Variants in TAFA2 observed in about 807,000 individuals in gnomAD.
TAFA2 encodes the protein chemokine-like protein TAFA-2.
In TAFA2, 7 loss-of-function variants were observed where a neutral mutation model predicts 18.8. The observed-to-expected ratio is 0.37, with a 90% confidence interval of 0.21 to 0.70. The LOEUF (loss-of-function observed/expected upper bound fraction) is 0.70, where lower values mean the gene tolerates loss of function less well. Ranked by LOEUF, TAFA2 falls within the 30% of genes least tolerant of loss-of-function variation. The pLI is 0.53. For missense variants in TAFA2, 122 were observed against 158.1 expected, an observed-to-expected ratio of 0.77 and a Z score of 1.23; for synonymous variants, 60 against 54.2, an observed-to-expected ratio of 1.11 and a Z score of -0.47.
chr12:62,161,124 C>A (rs1024170684), intron 1 of TAFA2, among the ~76,000 whole-genome samples: 1 of 152,178 alleles, frequency 6.6e-6, no homozygotes, highest in Non-Finnish European at 1.5e-5. Context: ...TTCCTTACAA[C>A]TTTCGCTTTG....
chr12:61,943,869 C>T (rs1431049243), intron 1 of TAFA2, among the ~76,000 whole-genome samples: 1 of 134,528 alleles, frequency 7.4e-6, no homozygotes, highest in Non-Finnish European at 1.6e-5. Flanking sequence ...ACTTTAACAC[C>T]CCACTGTCAA....
intron 1 of TAFA2, among the ~76,000 whole-genome samples, chr12:61,875,917 G>T (rs1184630503): frequency 6.6e-6 from 1 of 151,770 alleles, no homozygotes; most frequent in African/African-American, 2.4e-5. Flanking sequence ...TTTCACAACT[G>T]CTAGGTGGAG....
intron 1 of TAFA2, among the ~76,000 whole-genome samples, chr12:62,030,523 A>C (rs1253194150): frequency 6.6e-6 from 1 of 152,166 alleles, no homozygotes; most frequent in Non-Finnish European, 1.5e-5. Context: ...AATGACAAAC[A>C]AGGAAGACAT....
intron 2 of TAFA2, among the ~76,000 whole-genome samples, chr12:61,809,337 T>C (rs1342553785): frequency 6.6e-6 from 1 of 151,582 alleles, no homozygotes; most frequent in Non-Finnish European, 1.5e-5. Context: ...ACAGTACTTA[T>C]TGTGTAAGTT....
intron 1 of TAFA2, among the ~76,000 whole-genome samples, chr12:62,159,923 A>G (rs2062395303): frequency 6.6e-6 from 1 of 152,216 alleles, no homozygotes; most frequent in Non-Finnish European, 1.5e-5. Flanking sequence ...GGATGTTCTT[A>G]GACTCCCCAT....
intron 1 of TAFA2, among the ~76,000 whole-genome samples, chr12:61,996,650 C>A (rs1880199130): frequency 6.6e-6 from 1 of 152,108 alleles, no homozygotes; most frequent in African/African-American, 2.4e-5. Flanking sequence ...GTAAGCAGAT[C>A]AAAAATGCAC....
At chr12:61,744,098 C>T (rs1036473512) in intron 4 of TAFA2, among the ~76,000 whole-genome samples, 1 of 152,018 alleles carries the variant, frequency 6.6e-6, no homozygotes. Flanking sequence ...AGATATAAAG[C>T]CCTGACAGAA....
At chr12:61,879,871 C>G in intron 1 of TAFA2, 1 of 933,242 alleles carries the variant, frequency 1.1e-6, no homozygotes, top group Non-Finnish European at 1.8e-6. Context: ...ATGATGAGAT[C>G]AATAAGCATA....
intron 1 of TAFA2, among the ~76,000 whole-genome samples, chr12:62,027,590 T>C (rs1038638622): frequency 1.3e-5 from 2 of 152,102 alleles, no homozygotes. Context: ...GCACAGAACA[T>C]CAAAGTTGTC....
intron 1 of TAFA2, among the ~76,000 whole-genome samples, chr12:62,059,127 A>ATGTGTGTGTG (rs1565730985): frequency 6.0e-5 from 5 of 83,218 alleles, no homozygotes; most frequent in African/African-American, 1.9e-4. Context: ...TAATATATAT[A>ATGTGTGTGTG]TATGTGTGTA....
upstream of TAFA2, among the ~76,000 whole-genome samples, chr12:62,197,501 A>T (rs1377505441): frequency 6.6e-6 from 1 of 152,230 alleles, no homozygotes; most frequent in Non-Finnish European, 1.5e-5. Flanking sequence ...TAAAGTGTAC[A>T]ATTTGATGAG....
At chr12:61,914,686 A>G (rs2121350768) in intron 1 of TAFA2, among the ~76,000 whole-genome samples, 1 of 152,292 alleles carries the variant, frequency 6.6e-6, no homozygotes. Context: ...TCCTAAAATT[A>G]TTACATATTA....
At chr12:61,731,332 TC>T in intron 4 of TAFA2, among the ~76,000 whole-genome samples, 1 of 152,222 alleles carries the variant, frequency 6.6e-6, no homozygotes, top group Non-Finnish European at 1.5e-5. Flanking sequence ...TCTGGTACGT[TC>T]CTGTGGTGGT....
At chr12:62,021,787 CA>C (rs1881148904) in intron 1 of TAFA2, 15 of 1,009,788 alleles carry the variant, frequency 1.5e-5, no homozygotes, top group Middle Eastern at 5.7e-4. Context: ...TGGCACATGG[CA>C]GTGACAATGT....
At chr12:61,720,279 A>G (rs1471814405) in intron 4 of TAFA2, among the ~76,000 whole-genome samples, 1 of 152,188 alleles carries the variant, frequency 6.6e-6, no homozygotes, top group Non-Finnish European at 1.5e-5. Flanking sequence ...AGATTAAGTG[A>G]AAGTCTGATG....
rs143752960 is a variant in TAFA2 at position 62,098,804 on chromosome 12, T to A, written c.-2+92455A>T. The stretch of plus-strand genomic sequence containing the variant: ...TAAAGATATTAAAATTGAAATTGAA[T>A]AAAAATATGAATTCATATTTGACCA... On this transcript the variant is annotated intron_variant, in intron 1 of 4. Coordinates refer to ENST00000416284, the MANE Select transcript of TAFA2 (RefSeq NM_178539.5). Among the ~76,000 whole-genome samples, 968 of 152,242 alleles carry A rather than the reference T, an allele frequency of 6.4e-3. 9 individuals carry two copies. The highest frequency in any genetic ancestry group is 0.022 in the African/African-American group (905 of 41,540).
At chr12:61,926,537 C>T (rs1877300740) in intron 1 of TAFA2, among the ~76,000 whole-genome samples, 1 of 152,040 alleles carries the variant, frequency 6.6e-6, no homozygotes, top group East Asian at 1.9e-4. Flanking sequence ...CAAGGCTGGT[C>T]CAACATATGC....
At chr12:61,932,915 G>A (rs1877620554) in intron 1 of TAFA2, among the ~76,000 whole-genome samples, 1 of 152,120 alleles carries the variant, frequency 6.6e-6, no homozygotes, top group Admixed American at 6.5e-5. Flanking sequence ...ATTCTGCATG[G>A]TAGACTCTCT....
chr12:62,105,673 G>C (rs567733676), intron 1 of TAFA2, among the ~76,000 whole-genome samples: 8 of 152,096 alleles, frequency 5.3e-5, no homozygotes, highest in African/African-American at 1.9e-4. Flanking sequence ...TCCCAGATAC[G>C]TAGTTCAAAC....
Sources: allele counts gnomAD v4.1 joint callset (sites outside exome capture counted in the v4.1 genomes callset), GRCh38; gene constraint gnomAD v4.1.1; transcripts MANE v1.5; gene names NCBI Gene and HGNC (gene_info 2026-07-23, HGNC 2026-07-21).